Variants in KCNN2 observed in about 807,000 individuals in gnomAD.
KCNN2 encodes small conductance calcium-activated potassium channel protein 2.
A neutral mutation model predicts 55.5 loss-of-function variants in KCNN2; 24 were observed. The ratio of observed to expected loss-of-function variants is 0.43; its 90% confidence interval spans 0.31 to 0.61. The LOEUF is 0.61. Ranked by LOEUF, KCNN2 falls within the 20% of genes least tolerant of loss-of-function variation. The pLI, the probability that KCNN2 is intolerant of heterozygous loss-of-function variation, is 0.08. For missense variants in KCNN2, 754 were observed against 853.6 expected (o/e 0.88, Z 1.45); for synonymous variants, 431 against 336.1 (o/e 1.28, Z -3.09).
At chr5:114,401,206 A>G (rs1174063922) in intron 2 of KCNN2, among the ~76,000 whole-genome samples, 1 of 152,150 alleles carries the variant, frequency 6.6e-6, no homozygotes, top group Non-Finnish European at 1.5e-5. Context: ...ATATGCTATG[A>G]TAAAAAAAAA....
At chr5:114,245,211 A>G (rs1051272296) in intron 2 of KCNN2, among the ~76,000 whole-genome samples, 3 of 152,256 alleles carry the variant, frequency 2.0e-5, no homozygotes, top group African/African-American at 7.2e-5. Context: ...TTCTTTCTAA[A>G]TCAAAAACTC....
At chr5:114,468,680 T>C (rs982446835) in intron 4 of KCNN2, among the ~76,000 whole-genome samples, 2 of 152,214 alleles carry the variant, frequency 1.3e-5, no homozygotes, top group African/African-American at 2.4e-5. Context: ...AGCCATTCTC[T>C]GTAGCAGTAA....
chr5:114,198,785 G>A (rs527970666), intron 1 of KCNN2, among the ~76,000 whole-genome samples: 211 of 152,118 alleles, frequency 1.4e-3, no homozygotes, highest in African/African-American at 4.9e-3. Flanking sequence ...ACTGTGGTCT[G>A]AGAAGATACT....
chr5:114,171,283 T>C (rs543935773), intron 1 of KCNN2, among the ~76,000 whole-genome samples: 19 of 152,102 alleles, frequency 1.2e-4, no homozygotes, highest in Non-Finnish European at 2.4e-4. Context: ...AAGAAAACCT[T>C]TGCAGTTCTC....
chr5:114,355,211 C>T (rs1238893996), intron 2 of KCNN2, among the ~76,000 whole-genome samples: 1 of 152,094 alleles, frequency 6.6e-6, no homozygotes, highest in Non-Finnish European at 1.5e-5. Flanking sequence ...TTTTCTGAGC[C>T]TGTTTGGCAA....
intron 1 of KCNN2, among the ~76,000 whole-genome samples, chr5:114,097,938 C>G (rs1236651748): frequency 6.6e-6 from 1 of 152,100 alleles, no homozygotes; most frequent in Non-Finnish European, 1.5e-5. Context: ...TAGTTTAAAA[C>G]AACATGTTTA....
intron 1 of KCNN2, among the ~76,000 whole-genome samples, chr5:114,063,567 T>C (rs749371427): frequency 7.2e-5 from 11 of 152,196 alleles, no homozygotes; most frequent in Non-Finnish European, 1.3e-4. Context: ...CTGTGGAACA[T>C]ACTTCAGGCA....
chr5:114,316,495 G>A (rs189925939), intron 2 of KCNN2, among the ~76,000 whole-genome samples: 2 of 152,176 alleles, frequency 1.3e-5, no homozygotes, highest in East Asian at 3.9e-4. Context: ...ACTCAACATT[G>A]CCCAGCTGGG....
At position 114,171,136 on chromosome 5, in the gene KCNN2, T is replaced by G. The variant is rs140567099; in HGVS notation, c.-270-50344T>G. ...ATTTTTCATTTTTAAAATTTAATAT[T>G]CTTATATTGTATGCATCAATGACCA... On this transcript the variant is annotated intron_variant, in intron 1 of 10. Coordinates refer to the KCNN2 transcript ENST00000512097. Among the ~76,000 whole-genome samples, 91 of 152,158 alleles carry G rather than the reference T, an allele frequency of 6.0e-4. 1 individual carries two copies. Among genetic ancestry groups the G allele is most frequent in the African/African-American group, 2.0e-3 (84 of 41,556 alleles).
chr5:114,145,511 C>CAG (rs1018128413), intron 1 of KCNN2, among the ~76,000 whole-genome samples: 3 of 152,070 alleles, frequency 2.0e-5, no homozygotes, highest in Non-Finnish European at 4.4e-5. Flanking sequence ...ACAGAGTGAC[C>CAG]AGATGGTAGT....
At chr5:114,089,348 A>T (rs561979162) in intron 1 of KCNN2, among the ~76,000 whole-genome samples, 1 of 152,282 alleles carries the variant, frequency 6.6e-6, no homozygotes, top group East Asian at 1.9e-4. Flanking sequence ...GCTTAGTCCT[A>T]TTCCTAAGAT....
intron 1 of KCNN2, among the ~76,000 whole-genome samples, chr5:114,122,003 A>G (rs1197480693): frequency 2.0e-5 from 3 of 152,248 alleles, no homozygotes; most frequent in Middle Eastern, 3.2e-3. Context: ...AACACAATCA[A>G]AGAACAAATT....
intron 2 of KCNN2, among the ~76,000 whole-genome samples, chr5:114,289,457 A>C (rs1387976377): frequency 6.8e-6 from 1 of 147,600 alleles, no homozygotes; most frequent in Non-Finnish European, 1.5e-5. Flanking sequence ...GCTCACTGTT[A>C]CCTCCACCTC....
intron 1 of KCNN2, among the ~76,000 whole-genome samples, chr5:114,118,800 A>G (rs1313769248): frequency 1.3e-5 from 2 of 152,182 alleles, no homozygotes; most frequent in African/African-American, 2.4e-5. Context: ...AAGCAAAACC[A>G]AAACCACATT....
At chr5:114,207,549 T>G (rs943992543) in intron 1 of KCNN2, among the ~76,000 whole-genome samples, 3 of 152,202 alleles carry the variant, frequency 2.0e-5, no homozygotes, top group African/African-American at 7.2e-5. Flanking sequence ...TTCAGCATCT[T>G]AAGCATTTTT....
At chr5:114,097,072 C>T (rs1448334575) in intron 1 of KCNN2, among the ~76,000 whole-genome samples, 1 of 152,156 alleles carries the variant, frequency 6.6e-6, no homozygotes, top group Non-Finnish European at 1.5e-5. Flanking sequence ...GGCAATTACA[C>T]CTCTTTCCAT....
chr5:114,056,247 C>A, exon 1 of KCNN2: 1 of 396,658 alleles, frequency 2.5e-6, no homozygotes, highest in South Asian at 1.4e-4. Context: ...TCTCTGCTCC[C>A]CGAAGCTGGG....
At chr5:114,277,715 T>C (rs924067585) in intron 2 of KCNN2, among the ~76,000 whole-genome samples, 1 of 152,118 alleles carries the variant, frequency 6.6e-6, no homozygotes, top group Non-Finnish European at 1.5e-5. Context: ...CTCTACACTG[T>C]TTATTCTAGT....
At chr5:114,239,042 G>C (rs1465094340) in intron 2 of KCNN2, among the ~76,000 whole-genome samples, 2 of 152,134 alleles carry the variant, frequency 1.3e-5, no homozygotes, top group African/African-American at 4.8e-5. Flanking sequence ...ATGTTGATGA[G>C]GATAGGAAGA....
Sources: gnomAD v4.1 joint callset for allele counts (sites outside exome capture counted in the v4.1 genomes callset) on GRCh38, gnomAD v4.1.1 for gene constraint, MANE v1.5 for transcripts, NCBI Gene and HGNC (gene_info 2026-07-23, HGNC 2026-07-21) for gene names.